SLCO4A1: variants seen among roughly 807,000 people sequenced by gnomAD.
SLCO4A1 encodes the protein colon organic anion transporter.
A neutral mutation model predicts 64.6 loss-of-function variants in SLCO4A1; 51 were observed. That is an observed-to-expected ratio of 0.79 (90% CI 0.63 to 1.00). SLCO4A1 has a LOEUF of 1.00. Ranked by LOEUF, SLCO4A1 falls within the 50% of genes least tolerant of loss-of-function variation. The pLI, the probability that SLCO4A1 is intolerant of heterozygous loss-of-function variation, is 0.00. For synonymous variants in SLCO4A1, 471 were observed against 444.9 expected, an observed-to-expected ratio of 1.06 and a Z score of -0.74; for missense variants, 919 against 980.5, an observed-to-expected ratio of 0.94 and a Z score of 0.84.
At chr20:62,660,915 TC>T in intron 4 of SLCO4A1, 148 bp from the exon 5 acceptor site, 1 of 624,582 alleles carries the variant, frequency 1.6e-6, no homozygotes, top group Non-Finnish European at 2.8e-6. Context: ...CAGTGCCGCC[TC>T]CCCGGGGCTG....
At chr20:62,676,262 T>A (rs1446203121), downstream of SLCO4A1, among the ~76,000 whole-genome samples, 3 of 151,342 alleles carry the variant, frequency 2.0e-5, no homozygotes, top group South Asian at 2.1e-4. Flanking sequence ...AAAAAAAAAA[T>A]ACAAAACATT....
Position 62,684,675 on chromosome 20 carries a change from C to T in SLCO4A1, n.212-766C>T, listed in dbSNP as rs145039238. The stretch of plus-strand genomic sequence containing the variant: ...CACTGACACGAGCTCATTCATCCCC[C>T]CACTCCCTCCCTCAAGTTTCCTGAG... On this transcript the variant is annotated intron_variant and non_coding_transcript_variant, in intron 2 of 2. Coordinates refer to the SLCO4A1 transcript ENST00000466818. Among the ~76,000 whole-genome samples the T allele has an allele frequency of 2.0e-4, 31 of 152,238 alleles. No individual in the cohort carries two copies. The East Asian group carries it at 4.1e-3, about 20-fold the overall frequency.
intron 2 of SLCO4A1, among the ~76,000 whole-genome samples, chr20:62,679,155 A>G (rs6011614): frequency 0.6 from 90,862 of 151,954 alleles, 28,240 homozygotes; most frequent in African/African-American, 0.77. Flanking sequence ...AGCAAGCCGA[A>G]ATCACACCAC....
Position 62,656,606 on chromosome 20 carries a change from C to T in SLCO4A1, c.152C>T (p.Pro51Leu). 6.3e-7 allele frequency: 1 copy of T among 1,599,370 alleles called. No individual in the cohort carries two copies. The highest frequency in any genetic ancestry group is 8.5e-7 in the Non-Finnish European group (1 of 1,174,952). The change falls in exon 2 of 12, where the codon CCC becomes CTC. Residue 51 changes from proline (P) to leucine (L), a missense_variant. Pro to Leu is a moderately conservative substitution (Grantham distance 98). Coordinates refer to ENST00000217159, the MANE Select transcript of SLCO4A1 (RefSeq NM_016354.4). ...TCCCTCCGCTCCGCTGCCCATAGCC[C>T]CCTGGACACCAGCAAGCAGCCCCTC... Reference protein sequence around the residue: ...PGSLRSAAHSPLDTSKQPLCQ... With the variant: ...PGSLRSAAHSLLDTSKQPLCQ...
At chr20:62,651,523 A>G (rs1389704466) in intron 1 of SLCO4A1, 2 of 152,260 alleles carry the variant, frequency 1.3e-5, no homozygotes, top group East Asian at 1.9e-4. Context: ...CGGAAGCCAC[A>G]TGGCTGATAT....
chr20:62,648,102 G>A (rs909684646), intron 1 of SLCO4A1, among the ~76,000 whole-genome samples: 48 of 152,354 alleles, frequency 3.2e-4, no homozygotes, highest in Middle Eastern at 3.4e-3. Context: ...ATTATCCCCC[G>A]GCTGATCGCC....
intron 2 of SLCO4A1, among the ~76,000 whole-genome samples, chr20:62,680,506 T>TTTTTTATAGAAGCCCTTC (rs1202154038): frequency 2.0e-5 from 3 of 152,164 alleles, no homozygotes; most frequent in African/African-American, 4.8e-5. Flanking sequence ...GCTGCATGTA[T>TTTTTTATAGAAGCCCTTC]TTTTTTAATA....
chr20:62,674,934 G>A (rs1433671164), downstream of SLCO4A1, among the ~76,000 whole-genome samples: 2 of 152,188 alleles, frequency 1.3e-5, no homozygotes, highest in Non-Finnish European at 2.9e-5. Context: ...TGTGGGTAAG[G>A]CACGTCCGTT....
intron 11 of SLCO4A1, 128 bp from the exon 12 acceptor site, chr20:62,671,622 G>C: frequency 1.3e-6 from 1 of 789,222 alleles, no homozygotes; most frequent in South Asian, 1.7e-5. Context: ...CTCAGAGCAG[G>C]ATGGGTTTCC....
chr20:62,658,845 C>A, intron 3 of SLCO4A1, 78 bp downstream of exon 3: 1 of 1,264,934 alleles, frequency 7.9e-7, no homozygotes, highest in Non-Finnish European at 1.1e-6. Context: ...TCAGCAGGGC[C>A]CACTCTGAGT....
chr20:62,688,297 C>T (rs1988131196), downstream of SLCO4A1, among the ~76,000 whole-genome samples: 1 of 152,130 alleles, frequency 6.6e-6, no homozygotes, highest in Non-Finnish European at 1.5e-5. Flanking sequence ...CGGCCCCCCA[C>T]GAGGCCTCTT....
chr20:62,667,464 G>C (rs1368320495), intron 7 of SLCO4A1: 1 of 458,632 alleles, frequency 2.2e-6, no homozygotes, highest in South Asian at 4.2e-5. Flanking sequence ...TGTGTTGCCT[G>C]TCCAAAAACA....
Position 62,654,536 on chromosome 20 carries a change from C to CT in SLCO4A1, c.-96-1822dup, listed in dbSNP as rs546210081. On this transcript the variant is annotated intron_variant, in intron 1 of 11. Transcript: ENST00000217159. ...TCCGTGCATCTCTGCGCGTCGCCGGCTGTGGCTGGAAGGAGACCCCAAGGC... is the reference window on the plus strand; with the variant it reads ...TCCGTGCATCTCTGCGCGTCGCCGGCTTGTGGCTGGAAGGAGACCCCAAGGC... Among the ~76,000 whole-genome samples, 27 of 152,370 alleles carry CT rather than the reference C, an allele frequency of 1.8e-4. No homozygotes were observed. In the East Asian group the frequency reaches 5.0e-3, roughly 28 times the overall value.
Position 62,661,038 on chromosome 20 carries a change from C to A in SLCO4A1, c.1010-26C>A. ...ACCTCCGGGAGCCCCCAGCCCCCAG[C>A]CCCAGCTCACTCTGTGCCCTTCCAG... On this transcript the variant is annotated intron_variant, in intron 4 of 11. Transcript: ENST00000217159. This position sits in a 1 kb window ranked among gnomAD's most constrained non-coding sequence, Gnocchi z 5.2. 7.6e-7 allele frequency: 1 copy of A among 1,317,862 alleles called. No individual in the cohort carries two copies. Among genetic ancestry groups the A allele is most frequent in the Non-Finnish European group, 1.1e-6 (1 of 914,268 alleles). 81.6% of individuals were successfully genotyped at this position (1,317,862 alleles called of 1,614,324 possible). A position where few individuals can be genotyped will look rare whatever the true frequency, so the allele number is the denominator to read the frequency against.
chr20:62,663,473 T>G (rs1005644633), intron 5 of SLCO4A1: 8 of 151,722 alleles, frequency 5.3e-5, no homozygotes, highest in African/African-American at 1.7e-4. Context: ...GACGCAGGGG[T>G]TCAAGTCAGC....
chr20:62,659,039 A>G (rs531658448), intron 3 of SLCO4A1, among the ~76,000 whole-genome samples: 1 of 152,246 alleles, frequency 6.6e-6, no homozygotes, highest in African/African-American at 2.4e-5. Context: ...CCTGGCCACT[A>G]GTTCCCTAAT....
Position 62,671,990 on chromosome 20 carries a change from T to C in SLCO4A1, c.*97T>C. 1 of 1,596,528 alleles carries C rather than the reference T, an allele frequency of 6.3e-7. No homozygotes were observed. The highest frequency in any genetic ancestry group is 8.5e-7 in the Non-Finnish European group (1 of 1,178,402). On this transcript the variant is annotated 3_prime_UTR_variant, in exon 12 of 12. Transcript: ENST00000217159. ...ATGCAATCACACGGGAACTTCTATT[T>C]GACCTGCAACCTTCTACTTAACCTG... is the stretch of plus-strand genomic sequence containing the variant.
At chr20:62,687,278 G>T (rs1371072004), downstream of SLCO4A1, among the ~76,000 whole-genome samples, 2 of 152,250 alleles carry the variant, frequency 1.3e-5, no homozygotes, top group Non-Finnish European at 2.9e-5. Context: ...TGTTCCAAAG[G>T]TCCATGAAGT....
chr20:62,661,041 C>CCCCCCCCCCCCCCCCCACACA lies in SLCO4A1; in HGVS notation c.1010-23_1010-22insCCCCCCCCCCCCCCCCACACA. ...TCCGGGAGCCCCCAGCCCCCAGCCC[C>CCCCCCCCCCCCCCCCCACACA]AGCTCACTCTGTGCCCTTCCAGGCT... On this transcript the variant is annotated intron_variant, in intron 4 of 11. Coordinates refer to ENST00000217159, the MANE Select transcript of SLCO4A1 (RefSeq NM_016354.4). The surrounding 1 kb of genome is among the most constrained non-coding windows in gnomAD (Gnocchi z 5.2). 7.0e-7 allele frequency: 1 copy of CCCCCCCCCCCCCCCCCACACA among 1,424,144 alleles called. No homozygotes were observed. Among genetic ancestry groups the CCCCCCCCCCCCCCCCCACACA allele is most frequent in the Non-Finnish European group, 9.9e-7 (1 of 1,010,142 alleles). 88.2% of individuals were successfully genotyped at this position (1,424,144 alleles called of 1,614,324 possible). A position where few individuals can be genotyped will look rare whatever the true frequency, so the allele number is the denominator to read the frequency against.
Sources: gnomAD v4.1 joint callset for allele counts (sites outside exome capture counted in the v4.1 genomes callset) on GRCh38, gnomAD v4.1.1 for gene constraint, Gnocchi (gnomAD v3.1) non-coding constraint, MANE v1.5 for transcripts, NCBI Gene and HGNC (gene_info 2026-07-23, HGNC 2026-07-21) for gene names.